The following CPS1 variants were observed in gnomAD, a reference collection of about 807,000 sequenced individuals.
CPS1 encodes carbamoyl-phosphate synthase 1, also known as carbamoyl-phosphate synthase [ammonia], mitochondrial.
A neutral mutation model predicts 174.6 loss-of-function variants in CPS1; 109 were observed. The observed-to-expected ratio is 0.62, with a 90% confidence interval of 0.53 to 0.73. The LOEUF is 0.73. Ranked by LOEUF, CPS1 falls within the 30% of genes least tolerant of loss-of-function variation. CPS1 has a pLI of 0.00. For synonymous variants in CPS1, 637 were observed against 632.0 expected, an observed-to-expected ratio of 1.01 and a Z score of -0.12; for missense variants, 1,689 against 1,821.9, an observed-to-expected ratio of 0.93 and a Z score of 1.33.
At chr2:210,608,297 A>G in intron 18 of CPS1, 64 bp from the exon 19 acceptor site, 1 of 1,482,058 alleles carries the variant, frequency 6.7e-7, no homozygotes, top group Non-Finnish European at 9.4e-7. Flanking sequence ...AGACCAATTT[A>G]TGTTTTGGTC....
At chr2:210,631,439 A>G (rs1418426652) in intron 21 of CPS1, among the ~76,000 whole-genome samples, 1 of 152,230 alleles carries the variant, frequency 6.6e-6, no homozygotes, top group African/African-American at 2.4e-5. Context: ...GAGAATGAGG[A>G]GAAAGGCTTG....
At chr2:210,481,206 C>G (rs1004265321) in intron 1 of CPS1, among the ~76,000 whole-genome samples, 1 of 152,158 alleles carries the variant, frequency 6.6e-6, no homozygotes, top group African/African-American at 2.4e-5. Context: ...TAAGCTTTTT[C>G]CTTTCTCCAC....
intron 20 of CPS1, among the ~76,000 whole-genome samples, chr2:210,614,306 G>T (rs964915200): frequency 1.3e-5 from 2 of 151,814 alleles, no homozygotes; most frequent in African/African-American, 4.8e-5. Flanking sequence ...TCATTGATGG[G>T]CGTTTGGGTT....
intron 1 of CPS1, among the ~76,000 whole-genome samples, chr2:210,506,720 C>T (rs1474572675): frequency 3.3e-5 from 5 of 152,268 alleles, no homozygotes; most frequent in East Asian, 1.9e-4. Context: ...ACGAGAACTA[C>T]GTGACGAATG....
intron 1 of CPS1, among the ~76,000 whole-genome samples, chr2:210,531,124 G>A (rs950920610): frequency 6.6e-6 from 1 of 152,004 alleles, no homozygotes. Flanking sequence ...TAACATTTCT[G>A]ATCTCTAATA....
intron 1 of CPS1, among the ~76,000 whole-genome samples, chr2:210,520,750 C>T (rs892831885): frequency 6.6e-6 from 1 of 151,900 alleles, no homozygotes; most frequent in Non-Finnish European, 1.5e-5. Context: ...TTTTGAGGTT[C>T]CTCCATATTG....
At chr2:210,584,663 C>T (rs1481129969) in intron 6 of CPS1, among the ~76,000 whole-genome samples, 1 of 151,990 alleles carries the variant, frequency 6.6e-6, no homozygotes, top group Non-Finnish European at 1.5e-5. Flanking sequence ...GAAACTGAGG[C>T]TTAGCAAGTA....
At chr2:210,633,621 T>C (rs753030719) in intron 21 of CPS1, among the ~76,000 whole-genome samples, 3 of 152,166 alleles carry the variant, frequency 2.0e-5, no homozygotes, top group Non-Finnish European at 4.4e-5. Context: ...CTAATAGAAA[T>C]GTGAGGAATC....
At chr2:210,617,127 C>T (rs1699337260) in intron 21 of CPS1, among the ~76,000 whole-genome samples, 1 of 151,964 alleles carries the variant, frequency 6.6e-6, no homozygotes, top group African/African-American at 2.4e-5. Flanking sequence ...TATTTTTAAA[C>T]TTCATTTTAT....
chr2:210,642,348 T>C (rs1192244499), intron 24 of CPS1, 136 bp from the exon 25 acceptor site: 2 of 1,020,242 alleles, frequency 2.0e-6, no homozygotes, highest in Non-Finnish European at 3.0e-6. Context: ...GAAATTTATA[T>C]CTTGGAGTTT....
At chr2:210,623,225 C>T (rs1260277944) in intron 21 of CPS1, among the ~76,000 whole-genome samples, 2 of 152,048 alleles carry the variant, frequency 1.3e-5, no homozygotes, top group African/African-American at 4.8e-5. Context: ...TTGTAGATGA[C>T]TACTTAAAAA....
chr2:210,513,820 G>A (rs992704430), intron 1 of CPS1, among the ~76,000 whole-genome samples: 1 of 152,000 alleles, frequency 6.6e-6, no homozygotes, highest in African/African-American at 2.4e-5. Flanking sequence ...TATAGTTTGA[G>A]GTCTTACATT....
chr2:210,497,597 A>G (rs1468970102), intron 1 of CPS1, among the ~76,000 whole-genome samples: 2 of 151,924 alleles, frequency 1.3e-5, no homozygotes, highest in South Asian at 2.1e-4. Flanking sequence ...TTTTGTGTCC[A>G]TGAGTACTCA....
chr2:210,505,749 C>A (rs867409396), intron 1 of CPS1, among the ~76,000 whole-genome samples: 22 of 152,222 alleles, frequency 1.4e-4, no homozygotes, highest in Admixed American at 3.9e-4. Context: ...GTATCCCACA[C>A]CTGGCACGAA....
chr2:210,658,873 A>G (rs1298938922), intron 31 of CPS1, among the ~76,000 whole-genome samples, 185 bp downstream of exon 31: 1 of 152,176 alleles, frequency 6.6e-6, no homozygotes. Context: ...GGCCCAGGCT[A>G]TTGGTGGCAC....
intron 33 of CPS1, among the ~76,000 whole-genome samples, chr2:210,666,130 A>C (rs1017182348): frequency 1.1e-3 from 164 of 152,088 alleles, no homozygotes; most frequent in African/African-American, 3.7e-3. Flanking sequence ...TCTTCTTTTG[A>C]GAAGTGTCTG....
rs770984739 is a variant in CPS1, at chr2:210,639,212, T to A, written c.2892T>A (p.Gly964=). 6.2e-6 allele frequency: 10 copies of A among 1,611,418 alleles called. No homozygotes were observed. In the South Asian group the frequency reaches 7.7e-5, roughly 12 times the overall value. ...ACTATCTCTATGTTACCTACAATGG[T>A]CAGGTAGGAATGGGCAAATTGGCCT... is the stretch of plus-strand genomic sequence containing the variant. ...VTNYLYVTYN[G]QEHDVNFDDH... is the part of the protein sequence containing the mutation. The change falls in exon 23 of 38, where the codon GGT becomes GGA. Residue 964 remains glycine (G), a synonymous_variant. Transcript: ENST00000233072.
chr2:210,663,701 A>G (rs1700998420), intron 33 of CPS1, among the ~76,000 whole-genome samples: 1 of 152,324 alleles, frequency 6.6e-6, no homozygotes, highest in African/African-American at 2.4e-5. Flanking sequence ...ACTATAATGG[A>G]ATCGGCCACT....
At chr2:210,512,493 A>G (rs999532782) in intron 1 of CPS1, among the ~76,000 whole-genome samples, 1 of 151,826 alleles carries the variant, frequency 6.6e-6, no homozygotes, top group African/African-American at 2.4e-5. Context: ...ATTTAGGATA[A>G]TGGCCTCCAG....
Sources: allele counts gnomAD v4.1 joint callset (sites outside exome capture counted in the v4.1 genomes callset), GRCh38; gene constraint gnomAD v4.1.1; transcripts MANE v1.5; gene names NCBI Gene and HGNC (gene_info 2026-07-23, HGNC 2026-07-21).